Variants in CD276 observed in about 807,000 individuals in gnomAD.
The protein encoded by CD276 is CD276 antigen.
In CD276, 34 loss-of-function variants were observed where a neutral mutation model predicts 50.0. The ratio of observed to expected loss-of-function variants is 0.68; its 90% CI spans 0.52 to 0.91. CD276 has a LOEUF of 0.91. Among genes scored for constraint, CD276 ranks in the 40% least tolerant of loss-of-function variants. The probability of loss-of-function intolerance (pLI) is 0.00; values close to 1 mark genes in which losing one functional copy is unlikely to be tolerated. For synonymous variants in CD276, 275 were observed against 313.0 expected, an observed-to-expected ratio of 0.88 and a Z score of 1.28; for missense variants, 634 against 717.5, an observed-to-expected ratio of 0.88 and a Z score of 1.33.
chr15:73,693,487 A>T (rs1411854108), intron 1 of CD276, among the ~76,000 whole-genome samples: 3 of 152,224 alleles, frequency 2.0e-5, no homozygotes, highest in African/African-American at 7.2e-5. Flanking sequence ...ATGGAATAGT[A>T]ACAAATGAAA....
intron 1 of CD276, among the ~76,000 whole-genome samples, chr15:73,697,291 G>T (rs114828990): frequency 6.6e-6 from 1 of 152,146 alleles, no homozygotes; most frequent in African/African-American, 2.4e-5. Context: ...GGGAGAGAAG[G>T]GGGGCTGGCC....
chr15:73,698,458 C>T (rs1405424558), intron 1 of CD276, among the ~76,000 whole-genome samples: 3 of 152,222 alleles, frequency 2.0e-5, no homozygotes, highest in Non-Finnish European at 4.4e-5. Context: ...TACCCAAGTC[C>T]TCAGATACTG....
Position 73,702,994 on chromosome 15 carries a change from C to G in CD276, c.641C>G (p.Ala214Gly), listed in dbSNP as rs1350776719. ...AGCATCCTGCGGGTGGTGCTGGGTG[C>G]AAATGGCACCTACAGCTGCCTGGTG... ...VHSILRVVLG[A>G]NGTYSCLVRN... The change falls in exon 4 of 10, where the codon GCA (alanine) becomes GGA (glycine). Residue 214 changes from alanine (A) to glycine (G), a missense_variant. Physicochemically the swap from Ala to Gly is moderately conservative, Grantham distance 60. Coordinates refer to ENST00000318443, the MANE Select transcript of CD276 (RefSeq NM_001024736.2). 1.2e-6 allele frequency: 2 copies of G among 1,614,124 alleles called. No individual in the cohort carries two copies. Among genetic ancestry groups the G allele is most frequent in the South Asian group, 2.2e-5 (2 of 91,082 alleles).
chr15:73,712,797 T>C (rs566837184), intron 9 of CD276, 137 bp from the exon 10 acceptor site: 21 of 877,358 alleles, frequency 2.4e-5, no homozygotes, highest in Non-Finnish European at 5.4e-6. Flanking sequence ...GGGCTGTCCG[T>C]TGGGCTGCTG....
Position 73,699,596 on chromosome 15 carries a change from C to T in CD276, c.-44C>T. 1 of 1,606,852 alleles carries T rather than the reference C, an allele frequency of 6.2e-7. No homozygotes were observed. The highest frequency in any genetic ancestry group is 8.5e-7 in the Non-Finnish European group (1 of 1,177,476). On this transcript the variant is annotated 5_prime_UTR_variant, in exon 2 of 10. Transcript: ENST00000318443. ...TCCTCTTTCTCCCAGGCAGGGGCAGCCTTCCACCACGGGGAGCCCAGCTGT... is the reference window on the plus strand; with the variant it reads ...TCCTCTTTCTCCCAGGCAGGGGCAGTCTTCCACCACGGGGAGCCCAGCTGT...
At position 73,699,479 on chromosome 15, in the gene CD276, C is replaced by T. The variant is rs112641811; in HGVS notation, c.-54-107C>T. ...GGTGGGATATGGGAATGAGGACCTC[C>T]CAGTGGGCAGTTGCAGCCTTCCCCA... On this transcript the variant is annotated intron_variant, in intron 1 of 9. Coordinates refer to ENST00000318443, the MANE Select transcript of CD276 (RefSeq NM_001024736.2). The T allele has an allele frequency of 1.6e-5, 23 of 1,416,942 alleles. No individual in the cohort carries two copies. In the African/African-American group the frequency reaches 2.0e-4, roughly 12 times the overall value. 87.8% of individuals were successfully genotyped at this position (1,416,942 alleles called of 1,614,324 possible). A position where few individuals can be genotyped will look rare whatever the true frequency, so the allele number is the denominator to read the frequency against.
Position 73,713,500 on chromosome 15 carries a change from C to A in CD276, c.*544C>A. 6.7e-6 allele frequency: 2 copies of A among 297,120 alleles called. No homozygotes were observed. Among genetic ancestry groups the A allele is most frequent in the South Asian group, 5.2e-5 (2 of 38,210 alleles). The allele number at this position is 297,120 out of a possible 1,614,324, so 18.4% of individuals were successfully genotyped here. On this transcript the variant is annotated 3_prime_UTR_variant, in exon 10 of 10. Coordinates refer to ENST00000318443, the MANE Select transcript of CD276 (RefSeq NM_001024736.2). ...GACAGGGACAGTGCGGCCTCAACAT[C>A]TCCTGGAGTCTAGAAGCTGTTTCCT...
chr15:73,708,279 C>T, intron 6 of CD276, 60 bp from the exon 7 acceptor site: 5 of 1,587,184 alleles, frequency 3.2e-6, no homozygotes, highest in Non-Finnish European at 4.3e-6. Flanking sequence ...GCCAATGGTG[C>T]TGTCCTCCGG....
chr15:73,684,938 G>C (rs1899681332), intron 1 of CD276: 1 of 152,706 alleles, frequency 6.5e-6, no homozygotes, highest in South Asian at 2.1e-4. Flanking sequence ...AAAACGCCCA[G>C]CTCCGGGAGG....
Position 73,696,466 on chromosome 15 carries a change from C to T in CD276, c.-54-3120C>T, listed in dbSNP as rs114454199. Among the ~76,000 whole-genome samples, 646 of 152,186 alleles carry T rather than the reference C, an allele frequency of 4.2e-3. 2 individuals are homozygous for T. Among genetic ancestry groups the T allele is most frequent in the African/African-American group, 0.015 (610 of 41,524 alleles). Reference sequence around the variant, plus strand: ...TGTCAGCGTAGGGGTCTCTGGGTGCCGTGGACTCTTCTGGTCTCTTTGCTT... The same window carrying T: ...TGTCAGCGTAGGGGTCTCTGGGTGCTGTGGACTCTTCTGGTCTCTTTGCTT... On this transcript the variant is annotated intron_variant, in intron 1 of 9. Transcript: ENST00000318443.
intron 1 of CD276, among the ~76,000 whole-genome samples, chr15:73,696,285 T>C (rs1167603173): frequency 6.6e-6 from 1 of 150,794 alleles, no homozygotes; most frequent in East Asian, 2.0e-4. Context: ...GTGGAGGGGG[T>C]GGTACGCAGG....
chr15:73,703,351 G>A (rs1279016428), intron 4 of CD276, among the ~76,000 whole-genome samples: 1 of 152,096 alleles, frequency 6.6e-6, no homozygotes, highest in Non-Finnish European at 1.5e-5. Flanking sequence ...GCAGAGGGGT[G>A]GGCGAAGGAA....
At chr15:73,710,411 A>G (rs1900845311) in intron 8 of CD276, among the ~76,000 whole-genome samples, 1 of 152,308 alleles carries the variant, frequency 6.6e-6, no homozygotes, top group Admixed American at 6.5e-5. Flanking sequence ...AGGACATAGG[A>G]GCATGGCACA....
Position 73,702,777 on chromosome 15 carries a change from T to C in CD276, c.424T>C (p.Tyr142His), listed in dbSNP as rs1323462896. Residue 142 changes from tyrosine to histidine, a missense_variant, in exon 4 of 10, where the codon TAC becomes CAC. Transcript: ENST00000318443. ...AAVSLQVAAP[Y>H]SKPSMTLEPN... ...CTGCCCTCTGTCACCTCCAGCTCCC[T>C]ACTCGAAGCCCAGCATGACCCTGGA... 1.9e-6 allele frequency: 3 copies of C among 1,610,960 alleles called. No individual in the cohort carries two copies. The East Asian group carries it at 6.7e-5, about 36-fold the overall frequency.
chr15:73,699,439 C>T, intron 1 of CD276, 147 bp from the exon 2 acceptor site: 1 of 1,104,192 alleles, frequency 9.1e-7, no homozygotes, highest in Non-Finnish European at 1.3e-6. Flanking sequence ...ACCAAGATTC[C>T]TCAGCAGGGG....
chr15:73,712,952 C>T lies in CD276; in HGVS notation c.1601C>T (p.Ala534Val), dbSNP rs781544999. 99 of 1,613,666 alleles carry T rather than the reference C, an allele frequency of 6.1e-5. 1 individual carries two copies. In the East Asian group the frequency reaches 2.2e-3, roughly 35 times the overall value. Residue 534 changes from alanine (A) to valine (V), a missense_variant, in exon 10 of 10, where the codon GCC (alanine) becomes GTC (valine). Physicochemically the swap from Ala to Val is moderately conservative, Grantham distance 64. Coordinates refer to ENST00000318443, the MANE Select transcript of CD276 (RefSeq NM_001024736.2). ...DSKEDDGQEI[A>V] The stretch of plus-strand genomic sequence containing the variant: ...AATGAAGATGATGGACAAGAAATAG[C>T]CTGACCATGAGGACCAGGGAGCTGC...
At chr15:73,709,980 T>C (rs976637445) in intron 8 of CD276, among the ~76,000 whole-genome samples, 3 of 150,754 alleles carry the variant, frequency 2.0e-5, no homozygotes, top group African/African-American at 7.5e-5. Context: ...GGTGGCTTCC[T>C]AGGGGTGGGA....
chr15:73,689,188 C>CTGTGTGTGTGTATGTGTG, intron 1 of CD276, among the ~76,000 whole-genome samples: 1 of 142,626 alleles, frequency 7.0e-6, no homozygotes, highest in Non-Finnish European at 1.5e-5. Flanking sequence ...TCTGTGCCTC[C>CTGTGTGTGTGTATGTGTG]TGTGTGTGTG....
intron 1 of CD276, among the ~76,000 whole-genome samples, chr15:73,698,127 A>G (rs538907796): frequency 4.6e-5 from 7 of 152,270 alleles, no homozygotes; most frequent in African/African-American, 1.4e-4. Flanking sequence ...TCCCCAGCTC[A>G]GGCCTGACCT....
Sources: gnomAD v4.1 joint callset for allele counts (sites outside exome capture counted in the v4.1 genomes callset) on GRCh38, gnomAD v4.1.1 for gene constraint, MANE v1.5 for transcripts, NCBI Gene and HGNC (gene_info 2026-07-23, HGNC 2026-07-21) for gene names.